PDS5A: variants seen among roughly 807,000 people sequenced by gnomAD.
PDS5A encodes the protein sister chromatid cohesion protein PDS5 homolog A.
A neutral mutation model predicts 167.1 loss-of-function variants in PDS5A; 42 were observed. The ratio of observed to expected loss-of-function variants is 0.25; its 90% CI spans 0.20 to 0.33. PDS5A has a LOEUF of 0.33. Among genes scored for constraint, PDS5A ranks in the 10% least tolerant of loss-of-function variants. The pLI is 1.00. For missense variants in PDS5A, 1,033 were observed against 1,605.9 expected (o/e 0.64, Z 6.10); for synonymous variants, 553 against 554.6 (o/e 1.00, Z 0.04).
chr4:39,909,718 T>C (rs1723730171), intron 10 of PDS5A, among the ~76,000 whole-genome samples: 2 of 152,200 alleles, frequency 1.3e-5, no homozygotes, highest in South Asian at 4.1e-4. Context: ...AGCCTGCTGA[T>C]AAAAACCACT....
intron 18 of PDS5A, among the ~76,000 whole-genome samples, chr4:39,877,358 T>C (rs1720548192): frequency 6.6e-6 from 1 of 152,150 alleles, no homozygotes; most frequent in South Asian, 2.1e-4. Context: ...CAGTTATTCC[T>C]TGACACAACT....
chr4:39,955,181 CTT>C (rs2109795028), intron 2 of PDS5A, among the ~76,000 whole-genome samples: 1 of 152,266 alleles, frequency 6.6e-6, no homozygotes, highest in African/African-American at 2.4e-5. Flanking sequence ...CTAAATCTAA[CTT>C]AGAGTTTAAA....
At chr4:39,858,365 T>C (rs751972345) in intron 26 of PDS5A, among the ~76,000 whole-genome samples, 3 of 152,206 alleles carry the variant, frequency 2.0e-5, no homozygotes, top group Non-Finnish European at 4.4e-5. Context: ...AGGCCAGACA[T>C]ACAGACAAAT....
chr4:39,826,265 C>T (rs1191326269), intron 32 of PDS5A, among the ~76,000 whole-genome samples: 1 of 151,062 alleles, frequency 6.6e-6, no homozygotes, highest in Admixed American at 6.6e-5. Context: ...TGGGACATGG[C>T]CTCTTTCTCA....
rs116132377 is a variant in PDS5A, at chr4:39,845,570, T to C, written c.3402+248A>G. On this transcript the variant is annotated intron_variant, in intron 29 of 32. Coordinates refer to ENST00000303538, the MANE Select transcript of PDS5A (RefSeq NM_001100399.2). ...TTGGTTATACCATTTCCCAGGAAAG[T>C]CTTCTTTGTGAATTGTAAATAAACT... Among the ~76,000 whole-genome samples the C allele has an allele frequency of 5.5e-3, 840 of 152,318 alleles. 7 individuals carry two copies. Among genetic ancestry groups the C allele is most frequent in the African/African-American group, 0.019 (774 of 41,568 alleles).
intron 6 of PDS5A, 88 bp downstream of exon 6, chr4:39,922,534 A>C: frequency 8.8e-7 from 1 of 1,137,516 alleles, no homozygotes; most frequent in Non-Finnish European, 1.2e-6. Context: ...ATTACATGGG[A>C]TTGCAAATGG....
At chr4:39,831,817 G>A (rs1213159912) in intron 32 of PDS5A, among the ~76,000 whole-genome samples, 7 of 141,192 alleles carry the variant, frequency 5.0e-5, no homozygotes, top group Middle Eastern at 4.2e-3. Context: ...CGGAGGTTGC[G>A]GTGAGCCGAG....
At chr4:39,885,015 A>C (rs6531747) in intron 17 of PDS5A, among the ~76,000 whole-genome samples, 152,115 of 152,124 alleles carry the variant, frequency 1, 76,053 homozygotes, top group Middle Eastern at 1. Context: ...GAAATCCCAG[A>C]AATTTGGGAG....
intron 30 of PDS5A, among the ~76,000 whole-genome samples, chr4:39,843,695 C>T (rs1401566336): frequency 6.6e-6 from 1 of 152,096 alleles, no homozygotes. Context: ...CGGACAGAGA[C>T]ACTCTGTCTC....
At chr4:39,880,343 T>C (rs1213409416) in intron 17 of PDS5A, among the ~76,000 whole-genome samples, 1 of 152,142 alleles carries the variant, frequency 6.6e-6, no homozygotes, top group Admixed American at 6.5e-5. Flanking sequence ...ATTCATTAAT[T>C]AGGAACAATT....
At chr4:39,924,025 T>G (rs946611077) in intron 5 of PDS5A, among the ~76,000 whole-genome samples, 1 of 152,032 alleles carries the variant, frequency 6.6e-6, no homozygotes, top group Non-Finnish European at 1.5e-5. Context: ...AAATGAAAAA[T>G]CAATAAAGCA....
At chr4:39,914,158 ATTTGTTT>A (rs1724138554) in intron 8 of PDS5A, among the ~76,000 whole-genome samples, 2 of 133,346 alleles carry the variant, frequency 1.5e-5, no homozygotes, top group Non-Finnish European at 1.6e-5. Flanking sequence ...TGATATACAA[ATTTGTTT>A]TTTTTTTTTT....
chr4:39,854,901 A>G (rs1326843903), intron 26 of PDS5A, among the ~76,000 whole-genome samples: 2 of 152,214 alleles, frequency 1.3e-5, no homozygotes, highest in Non-Finnish European at 2.9e-5. Context: ...TATAATTACG[A>G]ATAATTGTTT....
At position 39,862,942 on chromosome 4, in the gene PDS5A, T is replaced by C. The variant is rs1426261610; in HGVS notation, c.2898A>G (p.Ala966=). The C allele has an allele frequency of 1.9e-6, 3 of 1,613,490 alleles. No individual in the cohort carries two copies. The highest frequency in any genetic ancestry group is 1.7e-6 in the Non-Finnish European group (2 of 1,179,814). ...CAKDPVKERR[A]HARQCLLKNI... Reference sequence around the variant, plus strand: ...TTTTCAGTAAACATTGTCGTGCGTGTGCTCTTCTCTCCTTCACAGGATCTT... The same window carrying C: ...TTTTCAGTAAACATTGTCGTGCGTGCGCTCTTCTCTCCTTCACAGGATCTT... Residue 966 remains alanine (A), a synonymous_variant, in exon 25 of 33, where the codon GCA becomes GCG. Transcript: ENST00000303538.
intron 2 of PDS5A, among the ~76,000 whole-genome samples, chr4:39,954,589 G>A (rs1043204597): frequency 6.7e-6 from 1 of 150,090 alleles, no homozygotes; most frequent in African/African-American, 2.5e-5. Context: ...TCAAAGTGCT[G>A]GGATTACAGG....
chr4:39,907,679 C>T (rs1212042676), intron 11 of PDS5A, among the ~76,000 whole-genome samples: 2 of 151,898 alleles, frequency 1.3e-5, no homozygotes, highest in African/African-American at 4.8e-5. Context: ...CTCCGCCTCC[C>T]GGGTTCACGC....
At chr4:39,949,819 C>CAAAAAAAAAAAAAAA (rs1553907223) in intron 2 of PDS5A, among the ~76,000 whole-genome samples, 1 of 1,238 alleles carries the variant, frequency 8.1e-4, no homozygotes, top group African/African-American at 2.1e-3. Flanking sequence ...GACTCTGTCT[C>CAAAAAAAAAAAAAAA]AGAAAAAAAA....
intron 6 of PDS5A, 106 bp downstream of exon 6, chr4:39,922,516 T>C: frequency 1.0e-6 from 1 of 984,302 alleles, no homozygotes; most frequent in Non-Finnish European, 1.4e-6. Context: ...AGAACGGTCA[T>C]GAGAACAATT....
intron 22 of PDS5A, among the ~76,000 whole-genome samples, chr4:39,867,613 A>G (rs1164601787): frequency 1.3e-5 from 2 of 151,472 alleles, no homozygotes; most frequent in Non-Finnish European, 2.9e-5. Flanking sequence ...CCAGCTACTC[A>G]GGAGGCTGAG....
Sources: allele counts gnomAD v4.1 joint callset (sites outside exome capture counted in the v4.1 genomes callset), GRCh38; gene constraint gnomAD v4.1.1; transcripts MANE v1.5; gene names NCBI Gene and HGNC (gene_info 2026-07-23, HGNC 2026-07-21).